SEMA5A: variants seen among roughly 807,000 people sequenced by gnomAD.
SEMA5A encodes semaphorin 5A.
SEMA5A carries 55 observed loss-of-function variants against 135.5 expected under a neutral mutation model. That is an observed-to-expected ratio of 0.41 (90% CI 0.33 to 0.51). The LOEUF is 0.51. SEMA5A is among the 20% of genes least tolerant of loss of function. The pLI is 0.37. For missense variants in SEMA5A, 1,290 were observed against 1,419.9 expected, an observed-to-expected ratio of 0.91 and a Z score of 1.47; for synonymous variants, 580 against 546.5, an observed-to-expected ratio of 1.06 and a Z score of -0.85.
intron 3 of SEMA5A, among the ~76,000 whole-genome samples, chr5:9,371,656 A>G (rs1014857908): frequency 1.5e-4 from 23 of 152,224 alleles, no homozygotes; most frequent in African/African-American, 4.6e-4. Context: ...AGATTAAAAT[A>G]TTTTGCCAAT....
At chr5:9,125,493 C>G (rs906153985) in intron 13 of SEMA5A, among the ~76,000 whole-genome samples, 1 of 152,178 alleles carries the variant, frequency 6.6e-6, no homozygotes, top group Non-Finnish European at 1.5e-5. Context: ...CTCCCTCCCC[C>G]TCACAACCCA....
chr5:9,070,806 T>A (rs1196197540), intron 16 of SEMA5A, among the ~76,000 whole-genome samples: 1 of 152,234 alleles, frequency 6.6e-6, no homozygotes, highest in Non-Finnish European at 1.5e-5. Context: ...GGTTTAATTA[T>A]GATACATTCA....
chr5:9,473,828 G>T (rs1197480211), intron 1 of SEMA5A, among the ~76,000 whole-genome samples: 1 of 152,144 alleles, frequency 6.6e-6, no homozygotes, highest in Non-Finnish European at 1.5e-5. Flanking sequence ...TGCTGCAGAA[G>T]CCATGTGTTC....
At chr5:9,062,797 G>A in intron 18 of SEMA5A, 90 bp downstream of exon 18, 1 of 1,334,580 alleles carries the variant, frequency 7.5e-7, no homozygotes, top group Non-Finnish European at 1.1e-6. Context: ...CAAACACGAA[G>A]CCAGGGAGCT....
chr5:9,527,961 TA>T (rs1363053985), intron 1 of SEMA5A, among the ~76,000 whole-genome samples: 4 of 152,226 alleles, frequency 2.6e-5, no homozygotes, highest in African/African-American at 9.6e-5. Context: ...CTTCATAGAA[TA>T]AAAATATCTA....
intron 13 of SEMA5A, among the ~76,000 whole-genome samples, chr5:9,131,301 T>C (rs1440794873): frequency 6.6e-6 from 1 of 151,956 alleles, no homozygotes; most frequent in Non-Finnish European, 1.5e-5. Flanking sequence ...TGAGAGATGC[T>C]AGGGTCTTTA....
At chr5:9,274,846 A>T (rs1487713807) in intron 5 of SEMA5A, among the ~76,000 whole-genome samples, 1 of 152,190 alleles carries the variant, frequency 6.6e-6, no homozygotes, top group Non-Finnish European at 1.5e-5. Context: ...GTAGAGGGAA[A>T]TTTATGGCAC....
intron 21 of SEMA5A, among the ~76,000 whole-genome samples, chr5:9,049,025 T>G (rs992151280): frequency 4.6e-5 from 7 of 152,166 alleles, no homozygotes; most frequent in Non-Finnish European, 8.8e-5. Flanking sequence ...CTAAGCTCAA[T>G]GGCCTTCACA....
intron 2 of SEMA5A, among the ~76,000 whole-genome samples, chr5:9,424,260 T>C (rs1579517103): frequency 6.6e-6 from 1 of 152,338 alleles, no homozygotes. Context: ...ATAGCCAGAA[T>C]GGCATTTGAC....
rs539205881 is a variant in SEMA5A, at chr5:9,173,953, A to G, written c.1273+16314T>C. Among the ~76,000 whole-genome samples, 4 of 152,334 alleles carry G rather than the reference A, an allele frequency of 2.6e-5. No homozygotes were observed. In the East Asian group the frequency reaches 7.7e-4, roughly 29 times the overall value. ...TTGGTAACAATTCTGTTTAAACCCC[A>G]GAAAATACCATACTTAAGAAACGTA... On this transcript the variant is annotated intron_variant, in intron 11 of 22. Transcript: ENST00000382496.
intron 12 of SEMA5A, among the ~76,000 whole-genome samples, chr5:9,153,583 G>A (rs977805539): frequency 2.0e-5 from 3 of 150,496 alleles, no homozygotes; most frequent in Non-Finnish European, 4.5e-5. Flanking sequence ...CACTCCAGGG[G>A]AGCTGGTGCC....
At chr5:9,480,838 T>A (rs2126777712) in intron 1 of SEMA5A, among the ~76,000 whole-genome samples, 1 of 152,310 alleles carries the variant, frequency 6.6e-6, no homozygotes, top group East Asian at 1.9e-4. Flanking sequence ...TTATATCAGG[T>A]AAAATTTAGA....
At chr5:9,264,845 C>G (rs2150524807) in intron 5 of SEMA5A, among the ~76,000 whole-genome samples, 1 of 151,042 alleles carries the variant, frequency 6.6e-6, no homozygotes, top group South Asian at 2.1e-4. Flanking sequence ...ACATTCATCA[C>G]TCTCAAAAGT....
intron 11 of SEMA5A, among the ~76,000 whole-genome samples, chr5:9,176,874 G>A (rs749006897): frequency 2.0e-4 from 30 of 152,238 alleles, no homozygotes; most frequent in Non-Finnish European, 8.8e-5. Flanking sequence ...AGGAATGTGA[G>A]TTAAAGAATG....
intron 11 of SEMA5A, among the ~76,000 whole-genome samples, chr5:9,177,608 C>G (rs577703005): frequency 2.0e-5 from 3 of 152,318 alleles, no homozygotes; most frequent in African/African-American, 7.2e-5. Context: ...GTGAGTTCCA[C>G]GCAGGTCCTG....
chr5:9,066,448 C>A lies in SEMA5A; in HGVS notation c.2272G>T (p.Asp758Tyr), dbSNP rs139823470. The A allele has an allele frequency of 1.4e-4, 234 of 1,614,214 alleles. 1 individual carries two copies. The African/African-American group carries it at 2.6e-3, about 18-fold the overall frequency. ...TCTGTGGAGCAGCCACTGGTGCCGT[C>A]GCTAGAACAGTACCGCATTTCGATT... ...QRIEMRYCSS[D>Y]GTSGCSTDGL... The change falls in exon 17 of 23, where the codon GAC becomes TAC. Residue 758 changes from aspartate (D) to tyrosine (Y), a missense_variant. By Grantham distance (160) the Asp-to-Tyr change is radical. Coordinates refer to ENST00000382496, the MANE Select transcript of SEMA5A (RefSeq NM_003966.3).
intron 2 of SEMA5A, among the ~76,000 whole-genome samples, chr5:9,407,880 C>T (rs959273844): frequency 6.6e-6 from 1 of 152,026 alleles, no homozygotes; most frequent in Non-Finnish European, 1.5e-5. Context: ...TCACCATCAC[C>T]ATCATCACCA....
intron 6 of SEMA5A, among the ~76,000 whole-genome samples, chr5:9,229,494 A>G (rs1204713091): frequency 6.6e-6 from 1 of 152,184 alleles, no homozygotes; most frequent in Non-Finnish European, 1.5e-5. Flanking sequence ...CAGAGTGAGG[A>G]TAAAAGAAGG....
chr5:9,392,139 C>T (rs1400619770), intron 2 of SEMA5A, among the ~76,000 whole-genome samples: 1 of 152,100 alleles, frequency 6.6e-6, no homozygotes, highest in African/African-American at 2.4e-5. Flanking sequence ...TAAAATGTCA[C>T]CTCTACAGGA....
Sources: allele counts gnomAD v4.1 joint callset (sites outside exome capture counted in the v4.1 genomes callset), GRCh38; gene constraint gnomAD v4.1.1; transcripts MANE v1.5; gene names NCBI Gene and HGNC (gene_info 2026-07-23, HGNC 2026-07-21).